The following FAP variants were observed in gnomAD, a reference collection of about 807,000 sequenced individuals.
The protein encoded by FAP is fibroblast activation protein alpha, also known as prolyl endopeptidase FAP.
In FAP, 110 loss-of-function variants were observed where a neutral mutation model predicts 126.5. The observed-to-expected ratio is 0.87, with a 90% confidence interval of 0.74 to 1.02. The LOEUF (loss-of-function observed/expected upper bound fraction) is 1.02, where lower values mean the gene tolerates loss of function less well. Among genes scored for constraint, FAP ranks in the 50% least tolerant of loss-of-function variants. FAP has a pLI of 0.00. For missense variants in FAP, 919 were observed against 909.2 expected (o/e 1.01, Z -0.14); for synonymous variants, 334 against 297.3 (o/e 1.12, Z -1.27).
At chr2:162,198,301 G>A in intron 16 of FAP, 4 of 1,289,398 alleles carry the variant, frequency 3.1e-6, no homozygotes, top group South Asian at 1.2e-5. Flanking sequence ...TCATTCCCCT[G>A]GATGTGAGAG....
chr2:162,228,758 C>G (rs893369336), intron 2 of FAP, among the ~76,000 whole-genome samples: 3 of 152,092 alleles, frequency 2.0e-5, no homozygotes, highest in African/African-American at 7.2e-5. Context: ...AATTCTCATT[C>G]AGTGAATAAA....
At chr2:162,194,800 C>T (rs1330349207) in intron 16 of FAP, 52 bp from the exon 17 acceptor site, 1 of 1,504,792 alleles carries the variant, frequency 6.6e-7, no homozygotes, top group Non-Finnish European at 9.3e-7. Flanking sequence ...ATAACAATTC[C>T]TTTTCAAGAC....
chr2:162,188,122 T>C (rs956094943), intron 20 of FAP, 47 bp downstream of exon 20: 3 of 1,455,960 alleles, frequency 2.1e-6, no homozygotes, highest in South Asian at 1.2e-5. Context: ...AGTGATTGCA[T>C]GACTTTTGTT....
At chr2:162,243,137 A>G (rs1690421580) in intron 1 of FAP, 145 bp from the exon 2 acceptor site, 1 of 819,532 alleles carries the variant, frequency 1.2e-6, no homozygotes, top group Non-Finnish European at 2.0e-6. Context: ...AATTGCTGGA[A>G]TTCTTCCAGC....
chr2:162,201,674 C>A lies in FAP; in HGVS notation c.1224-1055G>T, dbSNP rs1189526863. Among the ~76,000 whole-genome samples the A allele has an allele frequency of 3.3e-5, 5 of 152,162 alleles. No individual in the cohort carries two copies. The East Asian group carries it at 9.6e-4, about 29-fold the overall frequency. On this transcript the variant is annotated intron_variant, in intron 14 of 25. Transcript: ENST00000188790. The stretch of plus-strand genomic sequence containing the variant: ...TTCACCAGTCCTGTTTAGCCTCCAT[C>A]TGTTTTTACCATCTACTCTGTTCTC...
intron 15 of FAP, among the ~76,000 whole-genome samples, chr2:162,199,844 T>C (rs2106243445): frequency 6.6e-6 from 1 of 152,320 alleles, no homozygotes; most frequent in East Asian, 1.9e-4. Context: ...TTTCCTCTGT[T>C]AGGGTTAGTA....
intron 11 of FAP, 132 bp downstream of exon 11, chr2:162,213,806 G>T: frequency 1.3e-6 from 1 of 777,788 alleles, no homozygotes; most frequent in Non-Finnish European, 1.9e-6. Flanking sequence ...TACTGAGTGT[G>T]TTTTTGCAAA....
rs75447773 is a variant in FAP, at chr2:162,231,528, G to A, written c.92-4907C>T. Among the ~76,000 whole-genome samples, 759 of 152,100 alleles carry A rather than the reference G, an allele frequency of 5.0e-3. 4 individuals carry two copies. Among genetic ancestry groups the A allele is most frequent in the Non-Finnish European group, 7.3e-3 (495 of 67,962 alleles). ...AATTTTTGCCAGTGCCCTTAACTTC[G>A]TTTTGGCCCATCTTTAGTATAGTTA... On this transcript the variant is annotated intron_variant, in intron 2 of 25. Coordinates refer to ENST00000188790, the MANE Select transcript of FAP (RefSeq NM_004460.5).
At position 162,198,757 on chromosome 2, in the gene FAP, C is replaced by T. The variant is rs761002539; in HGVS notation, c.1402G>A (p.Gly468Ser). The stretch of plus-strand genomic sequence containing the variant: ...TGCTTATGTGAGGTCCGTTACCTAC[C>T]GTAGCAGACAAGTGCATAGTACTTG... ...YAKYYALVCYGPGIPISTLHD... is the reference protein window; with the variant it reads ...YAKYYALVCYSPGIPISTLHD... Residue 468 changes from glycine (G) to serine (S), a missense_variant and splice_region_variant, in exon 16 of 26, where the codon GGC becomes AGC. Physicochemically the swap from Gly to Ser is moderately conservative, Grantham distance 56 (BLOSUM62 0). Coordinates refer to ENST00000188790, the MANE Select transcript of FAP (RefSeq NM_004460.5). 1.8e-5 allele frequency: 29 copies of T among 1,613,870 alleles called. No individual in the cohort carries two copies. The highest frequency in any genetic ancestry group is 1.6e-4 in the Middle Eastern group (1 of 6,082).
At chr2:162,187,826 A>G (rs1687910195) in intron 20 of FAP, among the ~76,000 whole-genome samples, 2 of 152,074 alleles carry the variant, frequency 1.3e-5, no homozygotes, top group South Asian at 4.1e-4. Context: ...GAGCAAATTC[A>G]GATATTTGTT....
At chr2:162,223,183 A>G (rs1329384710) in intron 6 of FAP, among the ~76,000 whole-genome samples, 4 of 152,128 alleles carry the variant, frequency 2.6e-5, no homozygotes, top group Non-Finnish European at 5.9e-5. Context: ...TAATTTTAAA[A>G]CAGTTAATGG....
Position 162,214,040 on chromosome 2 carries a change from A to C in FAP, c.900T>G (p.Thr300=), listed in dbSNP as rs762870354. The C allele has an allele frequency of 9.9e-6, 16 of 1,614,010 alleles. 1 individual carries two copies. The South Asian group carries it at 1.6e-4, about 17-fold the overall frequency. The part of the protein sequence containing the change: ...DYYFSWLTWV[T]DERVCLQWLK... Reference sequence around the variant, plus strand: ...GCCACTGCAAACATACTCGTTCATCAGTAACCCACGTGAGCCAACTGAAAT... The same window carrying C: ...GCCACTGCAAACATACTCGTTCATCCGTAACCCACGTGAGCCAACTGAAAT... The change falls in exon 11 of 26, where the codon ACT becomes ACG. Residue 300 remains threonine, a synonymous_variant. Transcript: ENST00000188790.
intron 11 of FAP, among the ~76,000 whole-genome samples, chr2:162,213,591 C>A (rs1689048406): frequency 6.6e-6 from 1 of 151,854 alleles, no homozygotes; most frequent in African/African-American, 2.4e-5. Context: ...GTTTCGGTTT[C>A]ATCTGCATTA....
Position 162,219,054 on chromosome 2 carries a change from A to G in FAP, c.607+9T>C. 1 of 1,590,620 alleles carries G rather than the reference A, an allele frequency of 6.3e-7. No homozygotes were observed. The highest frequency in any genetic ancestry group is 8.6e-7 in the Non-Finnish European group (1 of 1,168,798). ...AAAGCATTAGCAGTAGAAAAGGAAT[A>G]CAGCTTACCTTCATAAACCCAGTCT... On this transcript the variant is annotated intron_variant, in intron 8 of 25. Coordinates refer to ENST00000188790, the MANE Select transcript of FAP (RefSeq NM_004460.5).
intron 11 of FAP, among the ~76,000 whole-genome samples, chr2:162,212,486 A>C (rs1576173853): frequency 6.6e-6 from 1 of 152,210 alleles, no homozygotes. Context: ...AGATAAAAAT[A>C]CGCTTCTAGC....
In FAP at chr2:162,214,032, C is replaced by A. The variant is rs746854357; in HGVS notation, c.908G>T (p.Arg303Leu). The stretch of plus-strand genomic sequence containing the variant: ...TCTTTTTAGCCACTGCAAACATACT[C>A]GTTCATCAGTAACCCACGTGAGCCA... ...FSWLTWVTDE[R>L]VCLQWLKRVQ... Residue 303 changes from arginine to leucine, a missense_variant, in exon 11 of 26, where the codon CGA (arginine) becomes CTA (leucine). Physicochemically the swap from Arg to Leu is moderately radical, Grantham distance 102. Transcript: ENST00000188790. The A allele has an allele frequency of 6.2e-7, 1 of 1,614,006 alleles. No homozygotes were observed. The highest frequency in any genetic ancestry group is 8.5e-7 in the Non-Finnish European group (1 of 1,179,940).
In FAP at chr2:162,224,458, GTTGATACCTT is replaced by G; in HGVS notation, c.358_360+7del. ...CAATTGGATATAACCAAATTAAATAGTTGATACCTTTGAATAATCACTTTCTAGATATACA... is the reference window on the plus strand; with the variant it reads ...CAATTGGATATAACCAAATTAAATAGTGAATAATCACTTTCTAGATATACA... On this transcript the variant is annotated splice_donor_variant and splice_donor_5th_base_variant and coding_sequence_variant and intron_variant, in exon 5 of 26. Coordinates refer to ENST00000188790, the MANE Select transcript of FAP (RefSeq NM_004460.5). LOFTEE classifies it high-confidence loss of function. The G allele has an allele frequency of 6.5e-7, 1 of 1,545,298 alleles. No homozygotes were observed. Among genetic ancestry groups the G allele is most frequent in the South Asian group, 1.2e-5 (1 of 84,562 alleles).
At chr2:162,240,604 A>G (rs1690307788) in intron 2 of FAP, among the ~76,000 whole-genome samples, 1 of 152,222 alleles carries the variant, frequency 6.6e-6, no homozygotes, top group Non-Finnish European at 1.5e-5. Context: ...TAATACACTA[A>G]TATGTAAATG....
At chr2:162,217,316 T>C (rs1047844983) in intron 9 of FAP, among the ~76,000 whole-genome samples, 8 of 152,336 alleles carry the variant, frequency 5.3e-5, no homozygotes, top group Middle Eastern at 3.4e-3. Context: ...ATTTGTACTT[T>C]GATTCCATTT....
Sources: allele counts gnomAD v4.1 joint callset (sites outside exome capture counted in the v4.1 genomes callset), GRCh38; gene constraint gnomAD v4.1.1; transcripts MANE v1.5; gene names NCBI Gene and HGNC (gene_info 2026-07-23, HGNC 2026-07-21).